The following CABP4 variants were observed in gnomAD, a reference collection of about 807,000 sequenced individuals.
CABP4 encodes calcium binding protein 4.
A neutral mutation model predicts 30.7 loss-of-function variants in CABP4; 30 were observed. The observed-to-expected ratio is 0.98, with a 90% CI of 0.73 to 1.33. CABP4 has a LOEUF of 1.33. Among genes scored for constraint, CABP4 ranks in the 40% most tolerant of loss-of-function variants. CABP4 has a pLI of 0.00. For missense variants in CABP4, 424 were observed against 395.5 expected (o/e 1.07, Z -0.61); for synonymous variants, 161 against 159.2 (o/e 1.01, Z -0.08).
intron 3 of CABP4, 151 bp from the exon 4 acceptor site, chr11:67,457,422 G>A (rs1864851552): frequency 4.2e-6 from 3 of 707,576 alleles, no homozygotes; most frequent in South Asian, 3.1e-5. Flanking sequence ...AAGGACGGGG[G>A]TTCCAGCCTC....
Position 67,460,757 on chromosome 11 carries a change from C to T in CABP4, c.*2098C>T, listed in dbSNP as rs886048577. On this transcript the variant is annotated 3_prime_UTR_variant, in exon 6 of 6. Transcript: ENST00000325656. ...CAGCACTTTGGGAGGCTGAGACGGG[C>T]GGGTCACAGGGTCAGGAGATCGAGA... is the stretch of plus-strand genomic sequence containing the variant. 3.5e-5 allele frequency among the ~76,000 whole-genome samples: 5 copies of T among 142,888 alleles called. No homozygotes were observed. Among genetic ancestry groups the T allele is most frequent in the East Asian group, 4.3e-4 (2 of 4,618 alleles). 93.7% of individuals were successfully genotyped at this position (142,888 alleles called of 152,430 possible).
intron 4 of CABP4, among the ~76,000 whole-genome samples, 163 bp from the exon 5 acceptor site, chr11:67,458,208 G>A (rs986895195): frequency 6.6e-6 from 1 of 152,128 alleles, no homozygotes; most frequent in African/African-American, 2.4e-5. Context: ...GCAGTGAGCC[G>A]AAATTGCGTC....
chr11:67,455,061 T>G (rs1481646974), upstream of CABP4, among the ~76,000 whole-genome samples: 1 of 152,200 alleles, frequency 6.6e-6, no homozygotes, highest in African/African-American at 2.4e-5. Flanking sequence ...TCTTCTGCGC[T>G]CTAGCATTAT....
upstream of CABP4, chr11:67,452,658 C>T (rs1426553125): frequency 6.2e-7 from 1 of 1,612,298 alleles, no homozygotes. Context: ...TAGGAGTCCT[C>T]ATCATCAAGC....
intron 4 of CABP4, among the ~76,000 whole-genome samples, chr11:67,457,936 G>A (rs745873656): frequency 6.6e-6 from 1 of 152,172 alleles, no homozygotes; most frequent in Non-Finnish European, 1.5e-5. Flanking sequence ...GGTGGGCAGG[G>A]GAGCATCTAG....
rs780002066 is a variant in CABP4 at position 67,460,754 on chromosome 11, G to C, written c.*2095G>C. Among the ~76,000 whole-genome samples the C allele has an allele frequency of 6.9e-6, 1 of 145,848 alleles. No individual in the cohort carries two copies. On this transcript the variant is annotated 3_prime_UTR_variant, in exon 6 of 6. Transcript: ENST00000325656. ...TCCCAGCACTTTGGGAGGCTGAGAC[G>C]GGCGGGTCACAGGGTCAGGAGATCG...
rs1250677612 is a variant in CABP4 at position 67,459,843 on chromosome 11, C to T, written c.*1184C>T. On this transcript the variant is annotated 3_prime_UTR_variant, in exon 6 of 6. Coordinates refer to ENST00000325656, the MANE Select transcript of CABP4 (RefSeq NM_145200.5). ...GCATGCACCTGTAATCTCAGCTACTCGGAGGTTGAGGCAGGAGAATCGCTT... is the reference window on the plus strand; with the variant it reads ...GCATGCACCTGTAATCTCAGCTACTTGGAGGTTGAGGCAGGAGAATCGCTT... 1 of 152,106 alleles carries T rather than the reference C, an allele frequency of 6.6e-6. No individual in the cohort carries two copies. The highest frequency in any genetic ancestry group is 2.1e-4 in the South Asian group (1 of 4,830). 9.4% of individuals were successfully genotyped at this position (152,106 alleles called of 1,614,324 possible).
chr11:67,452,752 C>T (rs189793824), upstream of CABP4: 4,530 of 1,508,432 alleles, frequency 3.0e-3, 11 homozygotes, highest in Admixed American at 5.7e-3. Flanking sequence ...CTGCTGGACA[C>T]GGAGTGGGTG....
rs370776873 is a variant in CABP4 at position 67,456,175 on chromosome 11, T to A, written c.367-13T>A. 6.2e-7 allele frequency: 1 copy of A among 1,612,918 alleles called. No individual in the cohort carries two copies. Among genetic ancestry groups the A allele is most frequent in the Non-Finnish European group, 8.5e-7 (1 of 1,179,812 alleles). On this transcript the variant is annotated splice_polypyrimidine_tract_variant and intron_variant, in intron 1 of 5. Transcript: ENST00000325656. ...GGCTGGCCCTGGGGACATCCTGGAC[T>A]CTCCCCCTGCAGGACCGCGAACTGG...
intron 4 of CABP4, 21 bp downstream of exon 4, chr11:67,457,703 G>T (rs1419292730): frequency 2.6e-6 from 4 of 1,542,692 alleles, no homozygotes; most frequent in Non-Finnish European, 3.5e-6. Flanking sequence ...TGGTGAGGTG[G>T]GCAGAGGGGG....
Position 67,459,023 on chromosome 11 carries a change from A to T in CABP4, c.*364A>T, listed in dbSNP as rs1864930867. On this transcript the variant is annotated 3_prime_UTR_variant, in exon 6 of 6. Transcript: ENST00000325656. ...TGGAGAGGATGGCTGGACCCCTTCCACTACTTATGTTTATAATTTTTTTTT... is the reference window on the plus strand; with the variant it reads ...TGGAGAGGATGGCTGGACCCCTTCCTCTACTTATGTTTATAATTTTTTTTT... 1 of 337,632 alleles carries T rather than the reference A, an allele frequency of 3.0e-6. No individual in the cohort carries two copies. The highest frequency in any genetic ancestry group is 3.5e-5 in the South Asian group (1 of 28,310). The allele number at this position is 337,632 out of a possible 1,614,324, so 20.9% of individuals were successfully genotyped here.
At chr11:67,452,548 C>T, upstream of CABP4, 1 of 1,606,196 alleles carries the variant, frequency 6.2e-7, no homozygotes, top group Admixed American at 1.7e-5. Context: ...CAGCTCCATG[C>T]CGGGCCTGGG....
At position 67,456,459 on chromosome 11, in the gene CABP4, G is replaced by C. The variant is rs746520077; in HGVS notation, c.541+17G>C. 6.2e-7 allele frequency: 1 copy of C among 1,606,414 alleles called. No individual in the cohort carries two copies. The highest frequency in any genetic ancestry group is 8.5e-7 in the Non-Finnish European group (1 of 1,179,780). Reference sequence around the variant, plus strand: ...AGATGCGCAGTCAGTCAGGGAGCCCGCCCGCCCGGGCAGCCTGCGTAGTTC... The same window carrying C: ...AGATGCGCAGTCAGTCAGGGAGCCCCCCCGCCCGGGCAGCCTGCGTAGTTC... On this transcript the variant is annotated intron_variant, in intron 3 of 5. Coordinates refer to ENST00000325656, the MANE Select transcript of CABP4 (RefSeq NM_145200.5).
chr11:67,454,418 C>G (rs563871173), upstream of CABP4, among the ~76,000 whole-genome samples: 10 of 152,294 alleles, frequency 6.6e-5, no homozygotes, highest in South Asian at 1.9e-3. Flanking sequence ...CCTCTGCTGT[C>G]TCCATTCCCT....
rs1230945153 is a variant in CABP4, at chr11:67,455,569, G to A, written c.146G>A (p.Arg49Gln). 4 of 1,602,406 alleles carry A rather than the reference G, an allele frequency of 2.5e-6. No individual in the cohort carries two copies. Among genetic ancestry groups the A allele is most frequent in the Non-Finnish European group, 3.4e-6 (4 of 1,175,896 alleles). The change falls in exon 1 of 6, where the codon CGA becomes CAA. Residue 49 changes from arginine (R) to glutamine (Q), a missense_variant. Arg to Gln is a conservative substitution (Grantham distance 43, BLOSUM62 1). Coordinates refer to ENST00000325656, the MANE Select transcript of CABP4 (RefSeq NM_145200.5). Reference protein sequence around the residue: ...RKRSKKERGLRGSRKRTGSSG... With the variant: ...RKRSKKERGLQGSRKRTGSSG... ...AGGAGCAAGAAGGAGAGGGGGCTCC[G>A]AGGGTCTCGAAAGCGCACTGGCAGC...
rs1407143690 is a variant in CABP4, at chr11:67,460,792, C to T, written c.*2133C>T. On this transcript the variant is annotated 3_prime_UTR_variant, in exon 6 of 6. Coordinates refer to ENST00000325656, the MANE Select transcript of CABP4 (RefSeq NM_145200.5). ...GGTCAGGAGATCGAGACCATCCTGG[C>T]TAACACAGTGAAACCCCATCTCTAC... Among the ~76,000 whole-genome samples the T allele has an allele frequency of 6.7e-6, 1 of 149,588 alleles. No homozygotes were observed. Among genetic ancestry groups the T allele is most frequent in the African/African-American group, 2.5e-5 (1 of 40,446 alleles).
intron 3 of CABP4, 48 bp downstream of exon 3, chr11:67,456,490 G>C: frequency 6.3e-7 from 1 of 1,598,634 alleles, no homozygotes; most frequent in Non-Finnish European, 8.5e-7. Flanking sequence ...AGTTCAGGGG[G>C]TCACGAGGGG....
At position 67,455,445 on chromosome 11, in the gene CABP4, G is replaced by A. The variant is rs1864729654; in HGVS notation, c.22G>A (p.Gly8Arg). The A allele has an allele frequency of 6.2e-7, 1 of 1,611,414 alleles. No homozygotes were observed. The highest frequency in any genetic ancestry group is 8.5e-7 in the Non-Finnish European group (1 of 1,179,494). ...CCCCATGACCACAGAGCAGGCAAGG[G>A]GGCAGCAGGGCCCAAATCTGGCCAT... Reference protein sequence around the residue: MTTEQARGQQGPNLAIGR... With the variant: MTTEQARRQQGPNLAIGR... Residue 8 changes from glycine to arginine, a missense_variant, in exon 1 of 6, where the codon GGG (glycine) becomes AGG (arginine). Gly to Arg is a moderately radical substitution (Grantham distance 125). Coordinates refer to ENST00000325656, the MANE Select transcript of CABP4 (RefSeq NM_145200.5).
rs776602987 is a variant in CABP4 at position 67,461,434 on chromosome 11, A to C, written c.*2775A>C. ...TTCAACTCCCCAGATTGAAGGAACA[A>C]ACTGAAGTCAGAGTAGGGTAAATAA... is the stretch of plus-strand genomic sequence containing the variant. On this transcript the variant is annotated 3_prime_UTR_variant, in exon 6 of 6. Transcript: ENST00000325656. Among the ~76,000 whole-genome samples, 4 of 152,254 alleles carry C rather than the reference A, an allele frequency of 2.6e-5. No homozygotes were observed. The highest frequency in any genetic ancestry group is 5.9e-5 in the Non-Finnish European group (4 of 68,044).
Sources: gnomAD v4.1 joint callset for allele counts (sites outside exome capture counted in the v4.1 genomes callset) on GRCh38, gnomAD v4.1.1 for gene constraint, MANE v1.5 for transcripts, NCBI Gene and HGNC (gene_info 2026-07-23, HGNC 2026-07-21) for gene names.